Variants in PMS1 observed in about 807,000 individuals in gnomAD.
PMS1 encodes PMS1 protein homolog 1.
In PMS1, 79 loss-of-function variants were observed where a neutral mutation model predicts 93.1. That is an observed-to-expected ratio of 0.85 (90% confidence interval 0.71 to 1.02). The LOEUF is 1.02. PMS1 is among the 50% of genes least tolerant of loss of function. The pLI, the probability that PMS1 is intolerant of heterozygous loss-of-function variation, is 0.00. For missense variants in PMS1, 1,064 were observed against 1,085.3 expected (o/e 0.98, Z 0.28); for synonymous variants, 335 against 363.4 (o/e 0.92, Z 0.89).
At chr2:189,876,113 TAAAAA>T (rs199880018) in intron 12 of PMS1, among the ~76,000 whole-genome samples, 1 of 151,550 alleles carries the variant, frequency 6.6e-6, no homozygotes, top group African/African-American at 2.4e-5. Context: ...ACGTAAACTT[TAAAAA>T]AAAATTTCTT....
chr2:189,817,152 G>A (rs1287880121), intron 4 of PMS1, among the ~76,000 whole-genome samples: 5 of 152,272 alleles, frequency 3.3e-5, no homozygotes, highest in African/African-American at 1.2e-4. Flanking sequence ...ACAATGCACA[G>A]AACAGTCCCC....
At chr2:189,815,911 T>C (rs1156786944) in intron 4 of PMS1, among the ~76,000 whole-genome samples, 1 of 152,198 alleles carries the variant, frequency 6.6e-6, no homozygotes, top group African/African-American at 2.4e-5. Flanking sequence ...ATGTCTTTTT[T>C]TCCCCCCTTA....
At chr2:189,872,032 C>T (rs1003059312) in intron 11 of PMS1, among the ~76,000 whole-genome samples, 5 of 152,018 alleles carry the variant, frequency 3.3e-5, no homozygotes, top group African/African-American at 1.2e-4. Flanking sequence ...GGGGATGGCA[C>T]CAAGCCATTC....
rs1378258177 is a variant in PMS1, at chr2:189,805,977, C to G, written c.418+223C>G. On this transcript the variant is annotated intron_variant, in intron 4 of 12. Coordinates refer to ENST00000441310, the MANE Select transcript of PMS1 (RefSeq NM_000534.5). ...GAACTGTATGAGAGACTGGACACTTCCATGGACTAGTTACTCCTCTGTAAA... is the reference window on the plus strand; with the variant it reads ...GAACTGTATGAGAGACTGGACACTTGCATGGACTAGTTACTCCTCTGTAAA... 9 of 1,411,802 alleles carry G rather than the reference C, an allele frequency of 6.4e-6. No individual in the cohort carries two copies. The East Asian group carries it at 2.0e-4, about 31-fold the overall frequency. 87.5% of individuals were successfully genotyped at this position (1,411,802 alleles called of 1,614,324 possible).
chr2:189,800,900 T>A (rs1242136668), intron 3 of PMS1, among the ~76,000 whole-genome samples: 4 of 152,240 alleles, frequency 2.6e-5, no homozygotes. Flanking sequence ...CTAAAATACA[T>A]CTAATTCTTT....
chr2:189,802,554 T>G (rs1015682759), intron 3 of PMS1, among the ~76,000 whole-genome samples: 2 of 152,194 alleles, frequency 1.3e-5, no homozygotes, highest in Non-Finnish European at 2.9e-5. Flanking sequence ...AAGGGTCAAC[T>G]GTACATAATT....
rs2053369549 is a variant in PMS1, at chr2:189,836,159, A to G, written c.583-7805A>G. 3.3e-5 allele frequency among the ~76,000 whole-genome samples: 5 copies of G among 152,216 alleles called. 1 individual carries two copies. The highest frequency in any genetic ancestry group is 1.3e-4 in the Admixed American group (2 of 15,282). ...CTCTTTATCACAAATTGCCTTTACA[A>G]ACAATTGAGGTTTACTAATTAAATA... On this transcript the variant is annotated intron_variant, in intron 5 of 12. Transcript: ENST00000441310.
intron 10 of PMS1, among the ~76,000 whole-genome samples, chr2:189,864,688 ATATATATATATATATATATATATATATAT>A (rs2056465094): frequency 2.2e-4 from 1 of 4,502 alleles, no homozygotes; most frequent in African/African-American, 8.4e-4. Context: ...AAAAAAAAAA[ATATATATATATATATATATATATATATAT>A]ATATATATAT....
intron 1 of PMS1, among the ~76,000 whole-genome samples, chr2:189,787,026 C>T (rs1271099654): frequency 6.6e-6 from 1 of 152,084 alleles, no homozygotes; most frequent in African/African-American, 2.4e-5. Context: ...GCATTTCAGC[C>T]TGGGCAACAA....
chr2:189,837,675 C>T (rs2053502474), intron 5 of PMS1, among the ~76,000 whole-genome samples: 1 of 152,118 alleles, frequency 6.6e-6, no homozygotes, highest in South Asian at 2.1e-4. Context: ...CCAGCAGTTC[C>T]ACTCATAGAT....
chr2:189,855,212 A>G, intron 9 of PMS1, 84 bp downstream of exon 9: 1 of 1,159,452 alleles, frequency 8.6e-7, no homozygotes, highest in Non-Finnish European at 1.3e-6. Flanking sequence ...AATTTTTTTC[A>G]CTTCTTATTT....
At position 189,852,744 on chromosome 2, in the gene PMS1, C is replaced by T. The variant is rs756974504; in HGVS notation, c.789C>T (p.Asn263=). The part of the protein sequence containing the change: ...STPERSFIFI[N]SRPVHQKDIL... Reference sequence around the variant, plus strand: ...CAGAAAGAAGTTTCATCTTCATAAACAGTCGACCAGTACATCAAAAAGATA... The same window carrying T: ...CAGAAAGAAGTTTCATCTTCATAAATAGTCGACCAGTACATCAAAAAGATA... Residue 263 remains asparagine (N), a synonymous_variant, in exon 7 of 13, where the codon AAC becomes AAT. Coordinates refer to ENST00000441310, the MANE Select transcript of PMS1 (RefSeq NM_000534.5). 5.0e-6 allele frequency: 8 copies of T among 1,590,158 alleles called. No individual in the cohort carries two copies. Among genetic ancestry groups the T allele is most frequent in the East Asian group, 2.2e-5 (1 of 44,670 alleles).
intron 6 of PMS1, among the ~76,000 whole-genome samples, chr2:189,845,979 C>T (rs529324957): frequency 6.6e-6 from 1 of 152,198 alleles, no homozygotes; most frequent in South Asian, 2.1e-4. Flanking sequence ...CCACCCCGGC[C>T]TCCCAAAGTG....
intron 11 of PMS1, among the ~76,000 whole-genome samples, chr2:189,871,476 G>A (rs2057141427): frequency 6.6e-6 from 1 of 152,090 alleles, no homozygotes; most frequent in Non-Finnish European, 1.5e-5. Context: ...ATCCTTGCGG[G>A]GACATAAAAA....
intron 10 of PMS1, among the ~76,000 whole-genome samples, chr2:189,867,064 G>C (rs1420154710): frequency 6.6e-6 from 1 of 152,182 alleles, no homozygotes; most frequent in Non-Finnish European, 1.5e-5. Flanking sequence ...CTGGAACACA[G>C]AACAGTGCCT....
chr2:189,796,624 T>C (rs1383229844), intron 3 of PMS1, among the ~76,000 whole-genome samples: 4 of 152,212 alleles, frequency 2.6e-5, no homozygotes, highest in Non-Finnish European at 5.9e-5. Context: ...TCATAAAATA[T>C]TTGTTCTTTT....
In PMS1 at chr2:189,852,741, A is replaced by ATG. The variant is rs1267111942; in HGVS notation, c.786_787insTG (p.Asn263Ter). ...CACCAGAAAGAAGTTTCATCTTCAT[A>ATG]AACAGTCGACCAGTACATCAAAAAG... On this transcript the variant is annotated frameshift_variant, in exon 7 of 13. Transcript: ENST00000441310. LOFTEE classifies it high-confidence loss of function. 7.5e-6 allele frequency: 12 copies of ATG among 1,594,178 alleles called. No homozygotes were observed. The highest frequency in any genetic ancestry group is 1.3e-5 in the African/African-American group (1 of 74,516).
chr2:189,832,631 A>T (rs914897601), intron 5 of PMS1, among the ~76,000 whole-genome samples: 4 of 152,058 alleles, frequency 2.6e-5, no homozygotes, highest in African/African-American at 9.7e-5. Flanking sequence ...ATGCCCAGCT[A>T]ATTTTTTGTA....
At chr2:189,823,741 C>T (rs2052179182) in intron 5 of PMS1, among the ~76,000 whole-genome samples, 1 of 152,092 alleles carries the variant, frequency 6.6e-6, no homozygotes, top group Non-Finnish European at 1.5e-5. Context: ...TGTATCGTTT[C>T]CCACATATAA....
Sources: gnomAD v4.1 joint callset for allele counts (sites outside exome capture counted in the v4.1 genomes callset) on GRCh38, gnomAD v4.1.1 for gene constraint, MANE v1.5 for transcripts, NCBI Gene and HGNC (gene_info 2026-07-23, HGNC 2026-07-21) for gene names.